The following LOC400499 variants were observed in gnomAD, a reference collection of about 807,000 sequenced individuals.
the LOC400499 span, chr16:11,515,869 C>CCCCCCCCCCCCCCCCCCCCCCCCCCA: frequency 2.4e-5 from 1 of 42,054 alleles, no homozygotes; most frequent in Non-Finnish European, 6.2e-5. Context: ...CAGCCCAGCC[C>CCCCCCCCCCCCCCCCCCCCCCCCCCA]AGCCCAGCCC....
the LOC400499 span, among the ~76,000 whole-genome samples, chr16:11,381,902 A>C: frequency 6.7e-6 from 1 of 150,274 alleles, no homozygotes; most frequent in East Asian, 1.9e-4. Flanking sequence ...ATTGGGGATC[A>C]TGCCTGCTGA....
the LOC400499 span, among the ~76,000 whole-genome samples, chr16:11,466,412 G>C: frequency 6.6e-6 from 1 of 151,356 alleles, no homozygotes; most frequent in African/African-American, 2.4e-5. Flanking sequence ...TTTTGAGATG[G>C]AGTCTCGCTC....
chr16:11,408,074 C>T, the LOC400499 span, among the ~76,000 whole-genome samples: 2 of 147,312 alleles, frequency 1.4e-5, no homozygotes, highest in Non-Finnish European at 3.0e-5. Flanking sequence ...CCTCTGCCTC[C>T]TGGGTTCAAG....
the LOC400499 span, among the ~76,000 whole-genome samples, chr16:11,497,349 C>G: frequency 6.6e-6 from 1 of 152,194 alleles, no homozygotes; most frequent in East Asian, 1.9e-4. Flanking sequence ...TATATTTGAG[C>G]AAAGAAAACA....
At chr16:11,392,662 C>T in the LOC400499 span, 1 of 564,764 alleles carries the variant, frequency 1.8e-6, no homozygotes, top group Non-Finnish European at 2.3e-6. Context: ...CCTGAGCCAC[C>T]TGAAGCCCCC....
chr16:11,418,171 C>A, the LOC400499 span, among the ~76,000 whole-genome samples: 1 of 152,184 alleles, frequency 6.6e-6, no homozygotes, highest in South Asian at 2.1e-4. Flanking sequence ...TTGCAAACCA[C>A]AGCCTACATC....
chr16:11,484,264 C>T, the LOC400499 span, among the ~76,000 whole-genome samples: 3 of 152,008 alleles, frequency 2.0e-5, no homozygotes, highest in Non-Finnish European at 4.4e-5. Flanking sequence ...GCCTCGGCCT[C>T]CCAAAGTGCT....
At chr16:11,521,514 T>A in the LOC400499 span, among the ~76,000 whole-genome samples, 15 of 152,180 alleles carry the variant, frequency 9.9e-5, no homozygotes, top group Non-Finnish European at 1.5e-4. Context: ...ACCCAAGCAC[T>A]GCAAGGCTAG....
the LOC400499 span, among the ~76,000 whole-genome samples, chr16:11,412,439 C>G: frequency 2.0e-5 from 3 of 152,196 alleles, no homozygotes; most frequent in East Asian, 1.9e-4. Flanking sequence ...ACTGGTCTAC[C>G]CCTTCAACAA....
the LOC400499 span, chr16:11,399,208 G>A: frequency 3.0e-5 from 30 of 985,174 alleles, 1 homozygote; most frequent in African/African-American, 4.7e-4. Context: ...AAGCCCCCTA[G>A]CATCCCACCT....
the LOC400499 span, among the ~76,000 whole-genome samples, chr16:11,449,498 G>A: frequency 6.6e-6 from 1 of 152,144 alleles, no homozygotes; most frequent in East Asian, 1.9e-4. Flanking sequence ...GAAGAGGTGG[G>A]TGTCATCTGG....
the LOC400499 span, chr16:11,411,459 T>C: frequency 5.0e-6 from 2 of 396,886 alleles, no homozygotes; most frequent in Non-Finnish European, 4.4e-6. Flanking sequence ...AGTGGCCCAG[T>C]TCAGGGCTAT....
the LOC400499 span, among the ~76,000 whole-genome samples, chr16:11,463,060 C>T: frequency 6.6e-6 from 1 of 152,182 alleles, no homozygotes; most frequent in Non-Finnish European, 1.5e-5. Context: ...ACCCAAAGTC[C>T]TTGTGAAGGC....
the LOC400499 span, among the ~76,000 whole-genome samples, chr16:11,408,200 C>T: frequency 6.6e-6 from 1 of 152,106 alleles, no homozygotes; most frequent in South Asian, 2.1e-4. Context: ...CCAGGCCAGT[C>T]TCGAACTCCT....
the LOC400499 span, among the ~76,000 whole-genome samples, chr16:11,464,468 C>A: frequency 1.3e-5 from 2 of 152,256 alleles, no homozygotes; most frequent in Admixed American, 6.5e-5. Flanking sequence ...CAGGCGTAAA[C>A]TGGGGCTCTC....
chr16:11,444,020 T>A, the LOC400499 span, among the ~76,000 whole-genome samples: 1 of 152,104 alleles, frequency 6.6e-6, no homozygotes, highest in East Asian at 1.9e-4. Flanking sequence ...GTTTTTTTTT[T>A]AGTAGAGATG....
the LOC400499 span, chr16:11,491,711 G>A: frequency 5.0e-6 from 2 of 398,108 alleles, no homozygotes; most frequent in African/African-American, 4.1e-5. Flanking sequence ...CCTGGGTGGA[G>A]AGCTCGCCTG....
the LOC400499 span, among the ~76,000 whole-genome samples, chr16:11,373,410 G>T: frequency 6.6e-6 from 1 of 151,932 alleles, no homozygotes; most frequent in Non-Finnish European, 1.5e-5. Context: ...AGTGGCTCAC[G>T]GCAACCTCTG....
the LOC400499 span, among the ~76,000 whole-genome samples, chr16:11,416,899 G>C: frequency 9.5e-3 from 1,444 of 152,198 alleles, 31 homozygotes; most frequent in African/African-American, 0.032. Context: ...ATGGGGGAAG[G>C]GTGTGGATTC....
Sources: gnomAD v4.1 joint callset for allele counts (sites outside exome capture counted in the v4.1 genomes callset) on GRCh38, gnomAD v4.1.1 for gene constraint, MANE v1.5 for transcripts.